TAFA2: variants seen among roughly 807,000 people sequenced by gnomAD.
TAFA2 encodes chemokine-like protein TAFA-2.
Under a neutral mutation model 18.8 loss-of-function variants are expected in TAFA2, and 7 were observed. The ratio of observed to expected loss-of-function variants is 0.37; its 90% confidence interval spans 0.21 to 0.70. The LOEUF (loss-of-function observed/expected upper bound fraction) is 0.70, where lower values mean the gene tolerates loss of function less well. Ranked by LOEUF, TAFA2 falls within the 30% of genes least tolerant of loss-of-function variation. The pLI is 0.53. For missense variants in TAFA2, 122 were observed against 158.1 expected, an observed-to-expected ratio of 0.77 and a Z score of 1.23; for synonymous variants, 60 against 54.2, an observed-to-expected ratio of 1.11 and a Z score of -0.47.
intron 1 of TAFA2, among the ~76,000 whole-genome samples, chr12:62,039,244 C>A (rs1565724938): frequency 6.6e-6 from 1 of 152,126 alleles, no homozygotes; most frequent in African/African-American, 2.4e-5. Context: ...CTCTATGCAC[C>A]TTACACTAAT....
chr12:62,114,283 G>GCCC (rs1364648703), intron 1 of TAFA2, among the ~76,000 whole-genome samples: 1 of 152,148 alleles, frequency 6.6e-6, no homozygotes, highest in Non-Finnish European at 1.5e-5. Flanking sequence ...GTAAGGTGAT[G>GCCC]CCCCACCCTG....
intron 1 of TAFA2, among the ~76,000 whole-genome samples, chr12:62,203,323 G>C (rs2062679519): frequency 6.6e-6 from 1 of 152,224 alleles, no homozygotes; most frequent in Non-Finnish European, 1.5e-5. Context: ...GTTGTTTTTG[G>C]GTGGAGAGTT....
intron 1 of TAFA2, among the ~76,000 whole-genome samples, chr12:62,089,812 G>A (rs1433550877): frequency 2.0e-5 from 3 of 152,040 alleles, no homozygotes; most frequent in Admixed American, 6.6e-5. Flanking sequence ...ATGATCAACA[G>A]CTGCCCCAAA....
chr12:61,780,053 T>C (rs1036118462), intron 2 of TAFA2, among the ~76,000 whole-genome samples: 1 of 151,782 alleles, frequency 6.6e-6, no homozygotes, highest in Non-Finnish European at 1.5e-5. Flanking sequence ...ATATTAAATA[T>C]GAAAATCATT....
chr12:61,771,963 A>C (rs1333829748), intron 2 of TAFA2, among the ~76,000 whole-genome samples: 1 of 151,938 alleles, frequency 6.6e-6, no homozygotes, highest in African/African-American at 2.4e-5. Flanking sequence ...AAAGATAAAC[A>C]AAATTGATAG....
chr12:62,064,281 C>T (rs1053537178), intron 1 of TAFA2, among the ~76,000 whole-genome samples: 2 of 152,018 alleles, frequency 1.3e-5, no homozygotes, highest in African/African-American at 4.8e-5. Context: ...TTTTGGAACA[C>T]ATAGACAGAG....
intron 1 of TAFA2, among the ~76,000 whole-genome samples, chr12:62,106,844 T>G (rs1456785049): frequency 6.6e-6 from 1 of 151,146 alleles, no homozygotes; most frequent in Non-Finnish European, 1.5e-5. Context: ...AAGAGCTCAT[T>G]TTACTGCAAT....
intron 1 of TAFA2, among the ~76,000 whole-genome samples, chr12:61,871,892 A>C (rs1035141871): frequency 4.6e-5 from 7 of 152,116 alleles, no homozygotes; most frequent in Non-Finnish European, 8.8e-5. Context: ...GGAGATCGAG[A>C]CCATCCTGGC....
chr12:62,125,173 T>A (rs574675632), intron 1 of TAFA2, among the ~76,000 whole-genome samples: 294 of 152,270 alleles, frequency 1.9e-3, no homozygotes, highest in Admixed American at 3.5e-3. Flanking sequence ...ATTGTATACC[T>A]TTTATTTTTT....
chr12:61,968,779 G>C (rs1879150288), intron 1 of TAFA2, among the ~76,000 whole-genome samples: 1 of 151,642 alleles, frequency 6.6e-6, no homozygotes, highest in Non-Finnish European at 1.5e-5. Flanking sequence ...TGATAGAGAA[G>C]ATAAGTAGAA....
At chr12:61,865,266 C>T (rs1410657216) in intron 2 of TAFA2, among the ~76,000 whole-genome samples, 3 of 152,304 alleles carry the variant, frequency 2.0e-5, no homozygotes, top group Non-Finnish European at 4.4e-5. Flanking sequence ...AGGGAGATAG[C>T]AGCCCAGCCT....
intron 4 of TAFA2, among the ~76,000 whole-genome samples, chr12:61,714,359 C>CAT (rs1869551741): frequency 6.6e-6 from 1 of 152,138 alleles, no homozygotes; most frequent in Non-Finnish European, 1.5e-5. Context: ...CTGCTGAACA[C>CAT]ATATAAAATG....
intron 2 of TAFA2, among the ~76,000 whole-genome samples, chr12:61,841,863 A>T (rs541652120): frequency 8.5e-5 from 13 of 152,224 alleles, no homozygotes; most frequent in Admixed American, 2.6e-4. Flanking sequence ...ATGTACAATT[A>T]TTATGTGTCC....
intron 1 of TAFA2, among the ~76,000 whole-genome samples, chr12:62,008,723 G>A (rs1880637286): frequency 6.6e-6 from 1 of 152,154 alleles, no homozygotes; most frequent in African/African-American, 2.4e-5. Context: ...TTCTGGCATT[G>A]CTGTCTGTCT....
At chr12:61,908,170 G>T (rs1025204874) in intron 1 of TAFA2, among the ~76,000 whole-genome samples, 1 of 152,080 alleles carries the variant, frequency 6.6e-6, no homozygotes, top group East Asian at 1.9e-4. Context: ...ATTTGGAAGG[G>T]GCCAGGGTGA....
At chr12:62,194,028 A>G (rs1275623931), upstream of TAFA2, among the ~76,000 whole-genome samples, 1 of 152,218 alleles carries the variant, frequency 6.6e-6, no homozygotes, top group African/African-American at 2.4e-5. Flanking sequence ...TACAGCAATC[A>G]TTTGTTTCCA....
chr12:61,727,607 T>A lies in TAFA2; in HGVS notation c.385-17190A>T, dbSNP rs188651248. On this transcript the variant is annotated intron_variant, in intron 4 of 4. Transcript: ENST00000416284. The stretch of plus-strand genomic sequence containing the variant: ...AATTGAGCTTATTTGGATCTTCTCT[T>A]TTCTTTTGTTGGTTAATCTTGCTAA... Among the ~76,000 whole-genome samples, 108 of 151,978 alleles carry A rather than the reference T, an allele frequency of 7.1e-4. 1 individual carries two copies. The South Asian group carries it at 0.017, about 24-fold the overall frequency.
chr12:62,053,080 G>A (rs1882097812), intron 1 of TAFA2, among the ~76,000 whole-genome samples: 1 of 152,042 alleles, frequency 6.6e-6, no homozygotes, highest in Admixed American at 6.6e-5. Flanking sequence ...TTAATTTCCT[G>A]GGACCAGCAA....
At chr12:62,064,545 C>T (rs1882437263) in intron 1 of TAFA2, among the ~76,000 whole-genome samples, 1 of 152,096 alleles carries the variant, frequency 6.6e-6, no homozygotes, top group South Asian at 2.1e-4. Context: ...CCACTCAAAT[C>T]TGTTGGACTT....
Sources: gnomAD v4.1 joint callset for allele counts (sites outside exome capture counted in the v4.1 genomes callset) on GRCh38, gnomAD v4.1.1 for gene constraint, MANE v1.5 for transcripts, NCBI Gene and HGNC (gene_info 2026-07-23, HGNC 2026-07-21) for gene names.